The following SORCS1 variants were observed in gnomAD, a reference collection of about 807,000 sequenced individuals.
The protein encoded by SORCS1 is VPS10 domain-containing receptor SorCS1.
In SORCS1, 60 loss-of-function variants were observed where a neutral mutation model predicts 146.1. That is an observed-to-expected ratio of 0.41 (90% CI 0.33 to 0.51). SORCS1 has a LOEUF of 0.51. Ranked by LOEUF, SORCS1 falls within the 20% of genes least tolerant of loss-of-function variation. SORCS1 has a pLI of 0.21. For synonymous variants in SORCS1, 637 were observed against 584.0 expected (o/e 1.09, Z -1.31); for missense variants, 1,352 against 1,487.6 (o/e 0.91, Z 1.50).
intron 2 of SORCS1, among the ~76,000 whole-genome samples, chr10:106,935,462 TA>T (rs533389649): frequency 1.1e-4 from 17 of 152,212 alleles, no homozygotes; most frequent in Non-Finnish European, 2.4e-4. Context: ...TGTCTGGGTC[TA>T]CCTGCAGTCA....
intron 19 of SORCS1, among the ~76,000 whole-genome samples, chr10:106,628,932 T>A (rs1407496941): frequency 6.6e-6 from 1 of 152,182 alleles, no homozygotes; most frequent in Non-Finnish European, 1.5e-5. Context: ...AGCCTCCAGA[T>A]TCAAGTGTCA....
intron 4 of SORCS1, among the ~76,000 whole-genome samples, chr10:106,766,046 C>T (rs765906493): frequency 5.3e-5 from 8 of 152,178 alleles, no homozygotes; most frequent in Admixed American, 1.3e-4. Context: ...TTGTTCACCA[C>T]AAAGCTTCCC....
In SORCS1 at chr10:106,616,326, C is replaced by G. The variant is rs372066047; in HGVS notation, c.2920+1823G>C. ...GAGGGAGAGAAAGGAAAAAAAAATCCAGTGAAAATAAATGAGAATCAGTTA... is the reference window on the plus strand; with the variant it reads ...GAGGGAGAGAAAGGAAAAAAAAATCGAGTGAAAATAAATGAGAATCAGTTA... On this transcript the variant is annotated intron_variant, in intron 21 of 25. Transcript: ENST00000263054. Among the ~76,000 whole-genome samples, 64 of 152,178 alleles carry G rather than the reference C, an allele frequency of 4.2e-4. No individual in the cohort carries two copies. In the South Asian group the frequency reaches 0.012, roughly 30 times the overall value.
At chr10:106,764,117 A>T (rs1859359591) in intron 4 of SORCS1, among the ~76,000 whole-genome samples, 1 of 152,232 alleles carries the variant, frequency 6.6e-6, no homozygotes, top group Non-Finnish European at 1.5e-5. Flanking sequence ...TACCTAAAAA[A>T]CAAATAAAAC....
Position 106,577,212 on chromosome 10 carries a change from G to A in SORCS1, c.*208C>T, listed in dbSNP as rs149284582. 167 of 1,558,750 alleles carry A rather than the reference G, an allele frequency of 1.1e-4. No individual in the cohort carries two copies. The highest frequency in any genetic ancestry group is 6.3e-4 in the African/African-American group (46 of 73,250). On this transcript the variant is annotated 3_prime_UTR_variant, in exon 26 of 26. Transcript: ENST00000263054. Reference sequence around the variant, plus strand: ...TTTTTGTTTTTGTTTTTTTACTGGCGTCCTCCATTCAAACATTTACATAGG... The same window carrying A: ...TTTTTGTTTTTGTTTTTTTACTGGCATCCTCCATTCAAACATTTACATAGG...
chr10:106,673,167 C>G (rs370355707), intron 14 of SORCS1, among the ~76,000 whole-genome samples, 182 bp from the exon 15 acceptor site: 227 of 148,096 alleles, frequency 1.5e-3, no homozygotes, highest in African/African-American at 5.1e-3. Flanking sequence ...GAGTCTCGCT[C>G]TGTCACCAGG....
At chr10:106,590,424 G>A (rs976202234) in intron 24 of SORCS1, among the ~76,000 whole-genome samples, 1 of 152,132 alleles carries the variant, frequency 6.6e-6, no homozygotes, top group Non-Finnish European at 1.5e-5. Context: ...GTAAGGCATA[G>A]AGTCATGTGA....
In SORCS1 at chr10:106,794,421, A is replaced by C. The variant is rs569361988; in HGVS notation, c.727-17729T>G. ...AGAACAACAAACAGATTTAGCGGGC[A>C]GAGAGCACATTAAACACTGGAAATA... is the stretch of plus-strand genomic sequence containing the variant. On this transcript the variant is annotated intron_variant, in intron 3 of 25. Transcript: ENST00000263054. Among the ~76,000 whole-genome samples the C allele has an allele frequency of 1.7e-4, 26 of 152,318 alleles. No individual in the cohort carries two copies. The East Asian group carries it at 4.8e-3, about 28-fold the overall frequency.
intron 1 of SORCS1, among the ~76,000 whole-genome samples, chr10:106,972,305 T>C (rs903097908): frequency 2.0e-5 from 3 of 147,466 alleles, no homozygotes; most frequent in African/African-American, 7.6e-5. Flanking sequence ...CACTTGAACC[T>C]AGGAGGCAGA....
At chr10:106,606,851 T>C (rs1428422842) in intron 23 of SORCS1, among the ~76,000 whole-genome samples, 2 of 152,192 alleles carry the variant, frequency 1.3e-5, no homozygotes, top group Non-Finnish European at 2.9e-5. Context: ...CACTCTACAC[T>C]TCTCCTTGCT....
rs148851627 is a variant in SORCS1 at position 106,994,201 on chromosome 10, A to G, written c.559-37621T>C. On this transcript the variant is annotated intron_variant, in intron 1 of 25. Transcript: ENST00000263054. ...ATTAAATCTAGTCCCAAGGACTTTC[A>G]GGAAACCTGCATGATACTGAAATTC... Among the ~76,000 whole-genome samples, 284 of 152,288 alleles carry G rather than the reference A, an allele frequency of 1.9e-3. 1 individual carries two copies. Among genetic ancestry groups the G allele is most frequent in the African/African-American group, 6.5e-3 (269 of 41,552 alleles).
At chr10:107,086,644 A>T (rs1963786317) in intron 1 of SORCS1, among the ~76,000 whole-genome samples, 1 of 152,218 alleles carries the variant, frequency 6.6e-6, no homozygotes, top group Non-Finnish European at 1.5e-5. Context: ...GAACACATAC[A>T]TCATATAGCC....
At chr10:106,621,118 T>A in intron 19 of SORCS1, among the ~76,000 whole-genome samples, 1 of 152,214 alleles carries the variant, frequency 6.6e-6, no homozygotes, top group Admixed American at 6.5e-5. Flanking sequence ...TGAATTAAGT[T>A]AATTCAGGAC....
At chr10:107,019,416 T>C (rs965890211) in intron 1 of SORCS1, among the ~76,000 whole-genome samples, 1 of 152,160 alleles carries the variant, frequency 6.6e-6, no homozygotes, top group Non-Finnish European at 1.5e-5. Context: ...ACAGAATGAC[T>C]ACCACAGAAA....
chr10:106,953,314 C>T (rs932076106), intron 2 of SORCS1, among the ~76,000 whole-genome samples: 3 of 151,970 alleles, frequency 2.0e-5, no homozygotes, highest in African/African-American at 7.3e-5. Context: ...ACTTACTGAC[C>T]TTCTCCTTGG....
At chr10:106,595,028 A>T (rs1333401475) in intron 24 of SORCS1, among the ~76,000 whole-genome samples, 1 of 152,168 alleles carries the variant, frequency 6.6e-6, no homozygotes, top group African/African-American at 2.4e-5. Flanking sequence ...CTGGAATTTG[A>T]TCATTCTCCC....
At chr10:107,047,357 T>C (rs1007808089) in intron 1 of SORCS1, among the ~76,000 whole-genome samples, 1 of 152,152 alleles carries the variant, frequency 6.6e-6, no homozygotes, top group Non-Finnish European at 1.5e-5. Flanking sequence ...AAAACTACCA[T>C]AGTGGATGTC....
chr10:106,764,007 G>T (rs1021392015), intron 4 of SORCS1, among the ~76,000 whole-genome samples: 1 of 152,126 alleles, frequency 6.6e-6, no homozygotes, highest in African/African-American at 2.4e-5. Context: ...TCCTAGTCAC[G>T]TTTCTACCTA....
At chr10:106,760,709 T>A (rs377707467) in intron 5 of SORCS1, among the ~76,000 whole-genome samples, 1 of 113,846 alleles carries the variant, frequency 8.8e-6, no homozygotes. Flanking sequence ...ACACACACAC[T>A]AACACACACA....
Sources: gnomAD v4.1 joint callset for allele counts (sites outside exome capture counted in the v4.1 genomes callset) on GRCh38, gnomAD v4.1.1 for gene constraint, MANE v1.5 for transcripts, NCBI Gene and HGNC (gene_info 2026-07-23, HGNC 2026-07-21) for gene names.